The following CCDC141 variants were observed in gnomAD, a reference collection of about 807,000 sequenced individuals.
CCDC141 encodes coiled-coil domain containing 141, also known as coiled-coil domain-containing protein 141.
CCDC141 carries 168 observed loss-of-function variants against 181.0 expected under a neutral mutation model. The ratio of observed to expected loss-of-function variants is 0.93; its 90% CI spans 0.82 to 1.05. The LOEUF is 1.05. Among genes scored for constraint, CCDC141 ranks in the 50% least tolerant of loss-of-function variants. CCDC141 has a pLI of 0.00. For synonymous variants in CCDC141, 666 were observed against 642.3 expected (o/e 1.04, Z -0.56); for missense variants, 1,902 against 1,788.5 (o/e 1.06, Z -1.14).
In CCDC141 at chr2:178,877,955, C is replaced by A. The variant is rs745866492; in HGVS notation, c.1899+9G>T. 2 of 1,607,976 alleles carry A rather than the reference C, an allele frequency of 1.2e-6. No individual in the cohort carries two copies. Among genetic ancestry groups the A allele is most frequent in the East Asian group, 4.5e-5 (2 of 44,814 alleles). On this transcript the variant is annotated intron_variant, in intron 12 of 23. Transcript: ENST00000443758. ...GCAGAAGGTGTGATCCATTTAATGC[C>A]ATTCTTACCATATTTATTAAATTAA... is the stretch of plus-strand genomic sequence containing the variant.
intron 6 of CCDC141, among the ~76,000 whole-genome samples, chr2:178,929,814 C>T (rs1479862238): frequency 6.6e-6 from 1 of 151,934 alleles, no homozygotes; most frequent in Non-Finnish European, 1.5e-5. Context: ...GCCCCGAGAC[C>T]AGCAGCATCA....
intron 2 of CCDC141, among the ~76,000 whole-genome samples, chr2:179,019,020 T>C (rs1207267563): frequency 6.6e-6 from 1 of 152,194 alleles, no homozygotes; most frequent in Non-Finnish European, 1.5e-5. Context: ...AGCCAGACCA[T>C]GGCCCTCTTC....
intron 2 of CCDC141, among the ~76,000 whole-genome samples, chr2:179,041,406 TA>T (rs369890650): frequency 3.4e-4 from 52 of 152,174 alleles, no homozygotes; most frequent in African/African-American, 1.1e-3. Flanking sequence ...GAGCTTTTTT[TA>T]ATGTTTGTTG....
At chr2:178,963,932 G>A (rs796321780) in intron 4 of CCDC141, among the ~76,000 whole-genome samples, 13 of 152,216 alleles carry the variant, frequency 8.5e-5, no homozygotes, top group African/African-American at 1.9e-4. Context: ...TGTAAATAGC[G>A]TAAGAAAAGT....
intron 2 of CCDC141, among the ~76,000 whole-genome samples, chr2:179,043,036 G>A (rs536444575): frequency 1.3e-5 from 2 of 151,988 alleles, no homozygotes; most frequent in African/African-American, 4.8e-5. Context: ...ATGATAAGGG[G>A]GATAGTACAA....
chr2:179,043,723 T>C (rs1335330380), intron 2 of CCDC141, among the ~76,000 whole-genome samples: 1 of 152,216 alleles, frequency 6.6e-6, no homozygotes, highest in Non-Finnish European at 1.5e-5. Flanking sequence ...AGTATTATAC[T>C]GAATGGGCAG....
chr2:178,859,518 G>A (rs1178257118), intron 17 of CCDC141, among the ~76,000 whole-genome samples: 2 of 152,020 alleles, frequency 1.3e-5, no homozygotes, highest in Admixed American at 1.3e-4. Flanking sequence ...AACACCCCAA[G>A]CTTGGGGTGA....
intron 11 of CCDC141, among the ~76,000 whole-genome samples, 175 bp downstream of exon 11, chr2:178,884,726 T>A (rs1409601085): frequency 6.6e-6 from 1 of 152,136 alleles, no homozygotes; most frequent in Non-Finnish European, 1.5e-5. Flanking sequence ...CTTTATAGAT[T>A]GAGAACTGCT....
At chr2:178,858,680 G>A (rs1479141685) in intron 17 of CCDC141, among the ~76,000 whole-genome samples, 1 of 151,976 alleles carries the variant, frequency 6.6e-6, no homozygotes. Flanking sequence ...GGGAAAAAAT[G>A]CCCTGTCACT....
chr2:178,845,655 G>C lies in CCDC141; in HGVS notation c.3445C>G (p.Gln1149Glu). The C allele has an allele frequency of 6.2e-7, 1 of 1,604,450 alleles. No homozygotes were observed. Among genetic ancestry groups the C allele is most frequent in the Non-Finnish European group, 8.5e-7 (1 of 1,171,450 alleles). Residue 1149 changes from glutamine to glutamate, a missense_variant, in exon 22 of 24, where the codon CAG (glutamine) becomes GAG (glutamate). Physicochemically the swap from Gln to Glu is conservative, Grantham distance 29. Transcript: ENST00000443758. ...DLLKEPAKNK[Q>E]TIFNEERNKG... is the part of the protein sequence containing the mutation. ...TTCCTTTCTTCATTGAATATTGTCT[G>C]CTTATTTTTTGCTGGTTCCTTTAGC...
At chr2:178,888,286 C>T (rs1019443850) in intron 9 of CCDC141, among the ~76,000 whole-genome samples, 2 of 152,138 alleles carry the variant, frequency 1.3e-5, no homozygotes, top group Non-Finnish European at 2.9e-5. Flanking sequence ...CTGTGCAAAG[C>T]GGGAACTGCC....
At chr2:178,934,678 A>G (rs931393184) in intron 6 of CCDC141, among the ~76,000 whole-genome samples, 2 of 152,198 alleles carry the variant, frequency 1.3e-5, no homozygotes, top group African/African-American at 4.8e-5. Flanking sequence ...GTATTCCAGT[A>G]AGAAATGATA....
chr2:178,983,853 A>C (rs1003894516), intron 2 of CCDC141, among the ~76,000 whole-genome samples: 33 of 151,260 alleles, frequency 2.2e-4, no homozygotes, highest in Admixed American at 5.9e-4. Context: ...TGTACCTGAA[A>C]GTGATGGGGA....
At chr2:178,978,720 G>T (rs1691234152) in intron 2 of CCDC141, 45 bp from the exon 3 acceptor site, 5 of 1,371,930 alleles carry the variant, frequency 3.6e-6, no homozygotes, top group Non-Finnish European at 1.9e-6. Context: ...TTAACTTAAT[G>T]TAAGAACACA....
intron 2 of CCDC141, among the ~76,000 whole-genome samples, chr2:179,014,451 C>T (rs549867556): frequency 5.3e-5 from 8 of 152,078 alleles, no homozygotes; most frequent in Non-Finnish European, 1.0e-4. Flanking sequence ...AGCTTTTGCA[C>T]GGCAAAAGGA....
chr2:179,004,473 T>G (rs2042068710), intron 2 of CCDC141, among the ~76,000 whole-genome samples: 1 of 152,212 alleles, frequency 6.6e-6, no homozygotes, highest in Non-Finnish European at 1.5e-5. Flanking sequence ...ATGTCAAAAT[T>G]GTTCATGGAA....
chr2:178,872,039 G>T, intron 13 of CCDC141, 94 bp downstream of exon 13: 3 of 1,221,442 alleles, frequency 2.5e-6, no homozygotes, highest in Non-Finnish European at 2.3e-6. Flanking sequence ...TTTGTGTTTG[G>T]CTTATTTCAC....
At chr2:178,878,976 G>A (rs1053868290) in intron 11 of CCDC141, among the ~76,000 whole-genome samples, 21 of 152,100 alleles carry the variant, frequency 1.4e-4, no homozygotes, top group African/African-American at 5.1e-4. Context: ...GAATAAAAAA[G>A]TATAAATAAT....
At chr2:179,048,819 G>A (rs1030494501) in intron 1 of CCDC141, among the ~76,000 whole-genome samples, 3 of 152,128 alleles carry the variant, frequency 2.0e-5, no homozygotes, top group African/African-American at 7.2e-5. Flanking sequence ...CTTCTATAGT[G>A]AACTGTTTTG....
Sources: allele counts gnomAD v4.1 joint callset (sites outside exome capture counted in the v4.1 genomes callset), GRCh38; gene constraint gnomAD v4.1.1; transcripts MANE v1.5; gene names NCBI Gene and HGNC (gene_info 2026-07-23, HGNC 2026-07-21).